Variants in IL17RA observed in about 807,000 individuals in gnomAD.
IL17RA encodes the protein interleukin 17 receptor A.
Under a neutral mutation model 50.4 loss-of-function variants are expected in IL17RA, and 34 were observed. The ratio of observed to expected loss-of-function variants is 0.67; its 90% CI spans 0.51 to 0.90. The LOEUF is 0.90. Among genes scored for constraint, IL17RA ranks in the 40% least tolerant of loss-of-function variants. The pLI is 0.00. For missense variants in IL17RA, 1,276 were observed against 1,169.8 expected (o/e 1.09, Z -1.32); for synonymous variants, 585 against 510.4 (o/e 1.15, Z -1.97).
rs185387468 is a variant in IL17RA at position 17,101,472 on chromosome 22, G to T, written c.551-524G>T. On this transcript the variant is annotated intron_variant, in intron 5 of 12. Coordinates refer to ENST00000319363, the MANE Select transcript of IL17RA (RefSeq NM_014339.7). ...TGCTTTTATTGGTCTCTTCTACTGG[G>T]TTGCAATCTCCAGGGGGCAGGGCTT... 2.5e-3 allele frequency among the ~76,000 whole-genome samples: 388 copies of T among 152,278 alleles called. 1 individual carries two copies. Among genetic ancestry groups the T allele is most frequent in the African/African-American group, 8.5e-3 (355 of 41,536 alleles).
chr22:17,099,825 C>A (rs2061383326), intron 4 of IL17RA, among the ~76,000 whole-genome samples: 1 of 152,166 alleles, frequency 6.6e-6, no homozygotes, highest in Non-Finnish European at 1.5e-5. Flanking sequence ...AGCACAAATT[C>A]AAATATCATT....
At chr22:17,098,082 C>G in intron 3 of IL17RA, 139 bp downstream of exon 3, 1 of 954,956 alleles carries the variant, frequency 1.0e-6, no homozygotes, top group East Asian at 2.6e-5. Context: ...TCCGTCATTT[C>G]ATGCAGTCAA....
chr22:17,098,455 A>G (rs1436053837), intron 3 of IL17RA, among the ~76,000 whole-genome samples: 4 of 152,204 alleles, frequency 2.6e-5, no homozygotes, highest in Admixed American at 1.3e-4. Flanking sequence ...GCTGACAGCC[A>G]CAACCTCGTG....
At chr22:17,096,978 A>G (rs367781457) in intron 1 of IL17RA, 84 bp from the exon 2 acceptor site, 1 of 1,244,222 alleles carries the variant, frequency 8.0e-7, no homozygotes, top group Non-Finnish European at 1.2e-6. Flanking sequence ...CATTCCTGAG[A>G]ATGAGCCAGT....
Position 17,098,850 on chromosome 22 carries a change from T to A in IL17RA, c.386T>A (p.Phe129Tyr), listed in dbSNP as rs372834294. The A allele has an allele frequency of 2.9e-5, 47 of 1,614,090 alleles. No individual in the cohort carries two copies. The highest frequency in any genetic ancestry group is 3.6e-5 in the Non-Finnish European group (43 of 1,180,046). ...ACCAATGAACGTTTGTGCGTCAGGT[T>A]TGAGTTTCTGTCCAAACTGAGGCAT... is the stretch of plus-strand genomic sequence containing the variant. ...LNTNERLCVR[F>Y]EFLSKLRHHH... is the part of the protein sequence containing the mutation. Residue 129 changes from phenylalanine (F) to tyrosine (Y), a missense_variant, in exon 4 of 13, where the codon TTT (phenylalanine) becomes TAT (tyrosine). By Grantham distance (22) the Phe-to-Tyr change is conservative (BLOSUM62 3). Transcript: ENST00000319363.
At position 17,104,752 on chromosome 22, in the gene IL17RA, C is replaced by G. The variant is rs2228077; in HGVS notation, c.873C>G (p.Leu291=). The stretch of plus-strand genomic sequence containing the variant: ...TCCAGCCCTTCTTCAGCAGCTGCCT[C>G]AATGACTGCCTCAGACACTCCGCGA... ...VQIQPFFSSC[L]NDCLRHSATV... is the part of the protein sequence containing the mutation. The change falls in exon 9 of 13, where the codon CTC becomes CTG. Residue 291 remains leucine (L), a synonymous_variant. Coordinates refer to ENST00000319363, the MANE Select transcript of IL17RA (RefSeq NM_014339.7). 3 of 1,614,148 alleles carry G rather than the reference C, an allele frequency of 1.9e-6. No homozygotes were observed. The Admixed American group carries it at 5.0e-5, about 27-fold the overall frequency.
At chr22:17,096,488 A>T (rs942584473) in intron 1 of IL17RA, among the ~76,000 whole-genome samples, 1 of 152,112 alleles carries the variant, frequency 6.6e-6, no homozygotes, top group African/African-American at 2.4e-5. Flanking sequence ...TAGGAGATGA[A>T]GGGGCCCTTT....
intron 4 of IL17RA, among the ~76,000 whole-genome samples, chr22:17,100,006 A>G (rs1258772182): frequency 1.3e-5 from 2 of 152,144 alleles, no homozygotes; most frequent in Non-Finnish European, 2.9e-5. Flanking sequence ...CCATAGCCCC[A>G]AGTCCCCTGG....
intron 4 of IL17RA, among the ~76,000 whole-genome samples, chr22:17,099,474 C>A (rs1255111868): frequency 6.6e-6 from 1 of 152,116 alleles, no homozygotes; most frequent in African/African-American, 2.4e-5. Flanking sequence ...AGATGTTTGG[C>A]CCCACCCCAG....
rs41464554 is a variant in IL17RA, at chr22:17,097,221, C to G, written c.163+135C>G. 5,607 of 846,110 alleles carry G rather than the reference C, an allele frequency of 6.6e-3. 233 individuals are homozygous for G. The African/African-American group carries it at 0.083, about 12-fold the overall frequency. The allele number at this position is 846,110 out of a possible 1,614,324, so 52.4% of individuals were successfully genotyped here. A position where few individuals can be genotyped will look rare whatever the true frequency, so the allele number is the denominator to read the frequency against. ...GCTACAGCCATCCGCAGGAGGGTTCCCGGAGAATTGTGGATGCGTGCACCT... is the reference window on the plus strand; with the variant it reads ...GCTACAGCCATCCGCAGGAGGGTTCGCGGAGAATTGTGGATGCGTGCACCT... On this transcript the variant is annotated intron_variant, in intron 2 of 12. Transcript: ENST00000319363.
chr22:17,086,131 C>G (rs41519952), intron 1 of IL17RA, among the ~76,000 whole-genome samples: 1,541 of 152,120 alleles, frequency 0.01, 12 homozygotes, highest in Non-Finnish European at 0.017. Context: ...CCAGGACCAT[C>G]TTAAGGAAAA....
chr22:17,109,779 T>C lies in IL17RA; in HGVS notation c.2560T>C (p.Trp854Arg). The C allele has an allele frequency of 1.3e-6, 2 of 1,550,928 alleles. No individual in the cohort carries two copies. Among genetic ancestry groups the C allele is most frequent in the Non-Finnish European group, 1.7e-6 (2 of 1,147,520 alleles). ...CCGCCAGCTGCAGAAGAACTCGGGC[T>C]GGGACACGATGGGGTCAGAGTCAGA... The part of the protein sequence containing the change: ...LFRQLQKNSG[W>R]DTMGSESEGP... The change falls in exon 13 of 13, where the codon TGG becomes CGG. Residue 854 changes from tryptophan (W) to arginine (R), a missense_variant. Physicochemically the swap from Trp to Arg is moderately radical, Grantham distance 101 (BLOSUM62 -3). Transcript: ENST00000319363.
intron 1 of IL17RA, among the ~76,000 whole-genome samples, chr22:17,091,014 C>T (rs2061345990): frequency 6.6e-6 from 1 of 152,202 alleles, no homozygotes; most frequent in South Asian, 2.1e-4. Context: ...CACTGTTCTC[C>T]AGCCCCAGCA....
intron 8 of IL17RA, 145 bp from the exon 9 acceptor site, chr22:17,104,581 C>T: frequency 1.3e-6 from 1 of 757,194 alleles, no homozygotes; most frequent in South Asian, 1.5e-5. Context: ...GTTCGCTGAC[C>T]CGCCCTTGCT....
chr22:17,105,715 CGG>C (rs536619616), intron 10 of IL17RA, 113 bp downstream of exon 10: 77 of 1,301,050 alleles, frequency 5.9e-5, no homozygotes, highest in Non-Finnish European at 8.0e-5. Context: ...GAGGCCAGCC[CGG>C]GGTGGGGGGT....
rs1193914942 is a variant in IL17RA, at chr22:17,111,539, G to A, written c.*1719G>A. The A allele has an allele frequency of 6.6e-6, 1 of 152,198 alleles. No individual in the cohort carries two copies. The highest frequency in any genetic ancestry group is 2.4e-5 in the African/African-American group (1 of 41,440). 9.4% of individuals were successfully genotyped at this position (152,198 alleles called of 1,614,324 possible). A position where few individuals can be genotyped will look rare whatever the true frequency, so the allele number is the denominator to read the frequency against. On this transcript the variant is annotated 3_prime_UTR_variant, in exon 13 of 13. Transcript: ENST00000319363. ...GCCAGTGTTTGAAGAATTTGTTCCT[G>A]AAGTACCTCCTGGGGGTAGGCTAGA...
At position 17,085,111 on chromosome 22, in the gene IL17RA, C is replaced by T. The variant is rs143652002; in HGVS notation, c.20C>T (p.Pro7Leu). The T allele has an allele frequency of 5.9e-3, 8,130 of 1,374,558 alleles. 32 individuals carry two copies. The highest frequency in any genetic ancestry group is 7.0e-3 in the Non-Finnish European group (7,433 of 1,064,504). 85.1% of individuals were successfully genotyped at this position (1,374,558 alleles called of 1,614,324 possible). The change falls in exon 1 of 13, where the codon CCG (proline) becomes CTG (leucine). Residue 7 changes from proline (P) to leucine (L), a missense_variant. Pro to Leu is a moderately conservative substitution (Grantham distance 98, BLOSUM62 -3). Transcript: ENST00000319363. ...CGGGCCATGGGGGCCGCACGCAGCC[C>T]GCCGTCCGCTGTCCCGGGGCCCCTG... MGAARS[P>L]PSAVPGPLLG...
chr22:17,097,559 C>T, intron 2 of IL17RA: 1 of 590,116 alleles, frequency 1.7e-6, no homozygotes. Context: ...TCAAAATCAA[C>T]TTGTGTACTT....
chr22:17,105,514 ACGT>A (rs1303335056), intron 9 of IL17RA, 74 bp from the exon 10 acceptor site: 1 of 1,415,048 alleles, frequency 7.1e-7, no homozygotes, highest in Non-Finnish European at 1.0e-6. Context: ...CCCTCAAGGG[ACGT>A]CAGTTGTGTT....
Sources: allele counts gnomAD v4.1 joint callset (sites outside exome capture counted in the v4.1 genomes callset), GRCh38; gene constraint gnomAD v4.1.1; transcripts MANE v1.5; gene names NCBI Gene and HGNC (gene_info 2026-07-23, HGNC 2026-07-21).